ZNF536: variants seen among roughly 807,000 people sequenced by gnomAD.
ZNF536 encodes zinc finger protein 536.
A neutral mutation model predicts 84.5 loss-of-function variants in ZNF536; 13 were observed. The observed-to-expected ratio is 0.15, with a 90% CI of 0.10 to 0.24. The LOEUF (loss-of-function observed/expected upper bound fraction) is 0.24, where lower values mean the gene tolerates loss of function less well. Ranked by LOEUF, ZNF536 falls within the 10% of genes least tolerant of loss-of-function variation. The pLI, the probability that ZNF536 is intolerant of heterozygous loss-of-function variation, is 1.00. For synonymous variants in ZNF536, 811 were observed against 742.5 expected, an observed-to-expected ratio of 1.09 and a Z score of -1.50; for missense variants, 1,536 against 1,747.5, an observed-to-expected ratio of 0.88 and a Z score of 2.16.
intron 1 of ZNF536, among the ~76,000 whole-genome samples, chr19:30,704,685 T>C (rs1600335358): frequency 6.8e-6 from 1 of 146,744 alleles, no homozygotes; most frequent in South Asian, 2.1e-4. Context: ...TAGATGGAAG[T>C]GAGCAGGCCA....
At chr19:30,271,015 A>G (rs1188630220) in intron 1 of ZNF536, among the ~76,000 whole-genome samples, 1 of 151,988 alleles carries the variant, frequency 6.6e-6, no homozygotes, top group Non-Finnish European at 1.5e-5. Context: ...GAGAGAATGC[A>G]CTCTTTCTAA....
intron 1 of ZNF536, among the ~76,000 whole-genome samples, chr19:30,600,395 G>A (rs1488886838): frequency 6.6e-6 from 1 of 152,096 alleles, no homozygotes; most frequent in East Asian, 1.9e-4. Context: ...CACCTGGCCG[G>A]CTGTTTATTA....
In ZNF536 at chr19:30,510,303, G is replaced by A. The variant is rs774095336; in HGVS notation, c.2171-24544G>A. On this transcript the variant is annotated intron_variant, in intron 2 of 4. Coordinates refer to ENST00000355537, the MANE Select transcript of ZNF536 (RefSeq NM_014717.3). ...AAATGTACTGCTGATAAATGAATAC[G>A]CAGATTGTTAATGTGCCAGAGAGGG... is the stretch of plus-strand genomic sequence containing the variant. 3.3e-5 allele frequency among the ~76,000 whole-genome samples: 5 copies of A among 152,138 alleles called. No individual in the cohort carries two copies. The East Asian group carries it at 7.7e-4, about 23-fold the overall frequency.
chr19:30,683,736 C>G (rs1334427592), intron 1 of ZNF536, among the ~76,000 whole-genome samples: 1 of 152,156 alleles, frequency 6.6e-6, no homozygotes, highest in Non-Finnish European at 1.5e-5. Flanking sequence ...CCCATAATAA[C>G]AACACATTGG....
chr19:30,351,621 A>G (rs1473883803), intron 2 of ZNF536, among the ~76,000 whole-genome samples: 2 of 152,168 alleles, frequency 1.3e-5, no homozygotes, highest in Admixed American at 6.5e-5. Flanking sequence ...GATGGCTGCT[A>G]TATTTGAGCA....
chr19:30,361,364 C>CT (rs149691531), intron 3 of ZNF536, among the ~76,000 whole-genome samples: 1,705 of 149,988 alleles, frequency 0.011, 29 homozygotes, highest in African/African-American at 0.039. Context: ...CTTTTCTTTT[C>CT]TTTTTTTTTA....
intron 1 of ZNF536, among the ~76,000 whole-genome samples, chr19:30,647,002 C>T (rs937777058): frequency 3.9e-5 from 6 of 152,194 alleles, no homozygotes; most frequent in Non-Finnish European, 7.3e-5. Context: ...CCCCCCACCA[C>T]ACTCACACCC....
chr19:30,429,443 T>A (rs1355544536), intron 1 of ZNF536, among the ~76,000 whole-genome samples: 1 of 152,080 alleles, frequency 6.6e-6, no homozygotes, highest in Non-Finnish European at 1.5e-5. Context: ...AGGTTCAGAA[T>A]GGAGGCTGTT....
At chr19:30,449,399 C>G (rs896153445) in intron 2 of ZNF536, among the ~76,000 whole-genome samples, 135 of 152,330 alleles carry the variant, frequency 8.9e-4, no homozygotes, top group African/African-American at 3.1e-3. Context: ...TCTCTAAAAC[C>G]TCCTCTAGGG....
chr19:30,407,652 G>T (rs1017486099), intron 1 of ZNF536, among the ~76,000 whole-genome samples: 1 of 152,224 alleles, frequency 6.6e-6, no homozygotes, highest in Non-Finnish European at 1.5e-5. Flanking sequence ...TGATCACCAA[G>T]ATGAGTTCTT....
chr19:30,560,673 A>G (rs1325105010), downstream of ZNF536, among the ~76,000 whole-genome samples: 3 of 152,222 alleles, frequency 2.0e-5, no homozygotes, highest in East Asian at 3.9e-4. Flanking sequence ...AGTGCCTTGC[A>G]GTAAGAGAGT....
At chr19:30,580,177 C>A (rs1253850861) in intron 1 of ZNF536, among the ~76,000 whole-genome samples, 1 of 152,208 alleles carries the variant, frequency 6.6e-6, no homozygotes, top group Non-Finnish European at 1.5e-5. Flanking sequence ...ACCTGAGCTG[C>A]CCCAATGGCC....
intron 1 of ZNF536, among the ~76,000 whole-genome samples, chr19:30,268,635 T>C (rs1356971129): frequency 6.6e-6 from 1 of 152,218 alleles, no homozygotes; most frequent in Admixed American, 6.5e-5. Context: ...AGTTTTCAAC[T>C]TGACTGTTTT....
At chr19:30,380,213 C>G (rs1010052758) in intron 1 of ZNF536, among the ~76,000 whole-genome samples, 16 of 152,238 alleles carry the variant, frequency 1.1e-4, no homozygotes, top group Middle Eastern at 3.4e-3. Flanking sequence ...CAGCCGTCAG[C>G]CTTTTGTCCC....
At chr19:30,331,410 T>A (rs1350678288) in intron 2 of ZNF536, among the ~76,000 whole-genome samples, 1 of 151,458 alleles carries the variant, frequency 6.6e-6, no homozygotes, top group East Asian at 1.9e-4. Context: ...GTCTCTGCAG[T>A]GGTCATGCTG....
chr19:30,476,448 G>A (rs2053849246), intron 2 of ZNF536, among the ~76,000 whole-genome samples: 1 of 152,196 alleles, frequency 6.6e-6, no homozygotes, highest in African/African-American at 2.4e-5. Context: ...TTTACTAAGA[G>A]GGAAATGTCA....
At chr19:30,395,368 T>G (rs538767545) in intron 1 of ZNF536, among the ~76,000 whole-genome samples, 1 of 152,318 alleles carries the variant, frequency 6.6e-6, no homozygotes, top group African/African-American at 2.4e-5. Context: ...GACACACATC[T>G]GGTTTGGGGT....
intron 2 of ZNF536, among the ~76,000 whole-genome samples, chr19:30,297,586 G>A (rs1216567956): frequency 1.3e-5 from 2 of 152,192 alleles, no homozygotes; most frequent in Admixed American, 6.5e-5. Context: ...TTTCCTCAGT[G>A]TAGCACCAGG....
chr19:30,438,303 T>G (rs980775096), intron 1 of ZNF536, among the ~76,000 whole-genome samples: 1 of 152,180 alleles, frequency 6.6e-6, no homozygotes, highest in Non-Finnish European at 1.5e-5. Context: ...TTTATGTCCG[T>G]GTATACCCAT....
Sources: gnomAD v4.1 joint callset for allele counts (sites outside exome capture counted in the v4.1 genomes callset) on GRCh38, gnomAD v4.1.1 for gene constraint, MANE v1.5 for transcripts, NCBI Gene and HGNC (gene_info 2026-07-23, HGNC 2026-07-21) for gene names.